AP2B1: variants seen among roughly 807,000 people sequenced by gnomAD.
The protein encoded by AP2B1 is AP-2 complex subunit beta.
A neutral mutation model predicts 102.0 loss-of-function variants in AP2B1; 23 were observed. The ratio of observed to expected loss-of-function variants is 0.23; its 90% CI spans 0.16 to 0.32. AP2B1 has a LOEUF of 0.32. Among genes scored for constraint, AP2B1 ranks in the 10% least tolerant of loss-of-function variants. AP2B1 has a pLI of 1.00. For missense variants in AP2B1, 541 were observed against 1,157.4 expected (o/e 0.47, Z 7.73); for synonymous variants, 381 against 421.2 (o/e 0.90, Z 1.17).
chr17:35,627,071 T>G (rs2074333989), intron 7 of AP2B1, among the ~76,000 whole-genome samples: 1 of 152,026 alleles, frequency 6.6e-6, no homozygotes, highest in Admixed American at 6.6e-5. Flanking sequence ...TTCTGAAGGG[T>G]CTCTTTCTGA....
chr17:35,700,642 T>C (rs1342511281), intron 18 of AP2B1, among the ~76,000 whole-genome samples: 2 of 152,136 alleles, frequency 1.3e-5, no homozygotes, highest in African/African-American at 4.8e-5. Context: ...TATACCTTTT[T>C]ATAGTACTTT....
intron 18 of AP2B1, among the ~76,000 whole-genome samples, chr17:35,686,052 C>G (rs1008412090): frequency 1.3e-5 from 2 of 152,310 alleles, no homozygotes. Flanking sequence ...CGTGAGCTGC[C>G]ATGCCCTGCC....
chr17:35,629,626 G>C (rs1405199650), intron 9 of AP2B1, among the ~76,000 whole-genome samples: 1 of 152,100 alleles, frequency 6.6e-6, no homozygotes, highest in African/African-American at 2.4e-5. Flanking sequence ...TTTTAATTGA[G>C]ATGTATACCA....
chr17:35,706,905 G>A (rs976806424), intron 18 of AP2B1, among the ~76,000 whole-genome samples: 6 of 152,028 alleles, frequency 3.9e-5, no homozygotes, highest in African/African-American at 1.4e-4. Context: ...GCCTGCCTCA[G>A]CTTCCCAAAG....
intron 12 of AP2B1, among the ~76,000 whole-genome samples, chr17:35,642,596 A>T (rs2074813874): frequency 6.6e-6 from 1 of 152,216 alleles, no homozygotes; most frequent in Non-Finnish European, 1.5e-5. Context: ...AATGATCATC[A>T]GTCCATTGAT....
chr17:35,691,036 T>G lies in AP2B1; in HGVS notation c.2454+8212T>G, dbSNP rs1053538915. Among the ~76,000 whole-genome samples the G allele has an allele frequency of 5.3e-5, 8 of 152,176 alleles. 1 individual carries two copies. The highest frequency in any genetic ancestry group is 4.6e-4 in the Admixed American group (7 of 15,274). ...GCCTTTAAATCTCACATAAACATTG[T>G]CGAATAAGAGGCTGAATATTAATTA... is the stretch of plus-strand genomic sequence containing the variant. On this transcript the variant is annotated intron_variant, in intron 18 of 21. Transcript: ENST00000610402.
intron 18 of AP2B1, among the ~76,000 whole-genome samples, chr17:35,706,806 A>AAC (rs1054849094): frequency 6.7e-6 from 1 of 149,686 alleles, no homozygotes; most frequent in Non-Finnish European, 1.5e-5. Flanking sequence ...ACACCCAACT[A>AAC]ATATATATAT....
intron 2 of AP2B1, among the ~76,000 whole-genome samples, chr17:35,594,305 C>T (rs1435784538): frequency 6.6e-6 from 1 of 152,172 alleles, no homozygotes; most frequent in Non-Finnish European, 1.5e-5. Context: ...GTGAAAGAGA[C>T]TCCTCTTTGC....
intron 14 of AP2B1, among the ~76,000 whole-genome samples, chr17:35,669,208 A>ATC (rs2075535262): frequency 1.4e-5 from 2 of 146,614 alleles, no homozygotes; most frequent in African/African-American, 2.6e-5. Flanking sequence ...CAATGGCATG[A>ATC]TCTCAGCTCA....
chr17:35,661,374 C>A (rs2075354998), intron 14 of AP2B1, among the ~76,000 whole-genome samples: 1 of 152,102 alleles, frequency 6.6e-6, no homozygotes, highest in Non-Finnish European at 1.5e-5. Flanking sequence ...GAACATTAAA[C>A]CAAATGAAAT....
At chr17:35,642,471 AAAG>A (rs1191854727) in intron 12 of AP2B1, among the ~76,000 whole-genome samples, 5 of 152,184 alleles carry the variant, frequency 3.3e-5, no homozygotes, top group Admixed American at 6.5e-5. Flanking sequence ...GGTCAGAAGA[AAAG>A]AAGTTTAGAT....
chr17:35,688,738 C>T (rs1384352102), intron 18 of AP2B1, among the ~76,000 whole-genome samples: 8 of 152,090 alleles, frequency 5.3e-5, no homozygotes, highest in South Asian at 2.1e-4. Context: ...CCAAGGAGGG[C>T]GGATCACTTA....
At chr17:35,629,303 C>T (rs2074400709) in intron 9 of AP2B1, among the ~76,000 whole-genome samples, 1 of 152,100 alleles carries the variant, frequency 6.6e-6, no homozygotes, top group Non-Finnish European at 1.5e-5. Flanking sequence ...TATCATGCCC[C>T]TATATTATTC....
intron 18 of AP2B1, among the ~76,000 whole-genome samples, chr17:35,689,372 G>T (rs930466085): frequency 2.0e-5 from 3 of 152,026 alleles, no homozygotes; most frequent in Non-Finnish European, 4.4e-5. Flanking sequence ...TAGAGACGGG[G>T]TTTCACCATG....
At chr17:35,638,856 T>C (rs1391452841) in intron 10 of AP2B1, among the ~76,000 whole-genome samples, 1 of 151,790 alleles carries the variant, frequency 6.6e-6, no homozygotes, top group Non-Finnish European at 1.5e-5. Flanking sequence ...AAGGGACAGA[T>C]TTACCATTTC....
chr17:35,627,264 TTTTTTG>T, intron 7 of AP2B1, 115 bp from the exon 8 acceptor site: 2 of 482,646 alleles, frequency 4.1e-6, no homozygotes, highest in Non-Finnish European at 6.2e-6. Flanking sequence ...TTTTTTTTTT[TTTTTTG>T]CCTGAGTGGA....
chr17:35,595,649 G>A (rs2073244891), intron 2 of AP2B1, among the ~76,000 whole-genome samples: 1 of 152,114 alleles, frequency 6.6e-6, no homozygotes, highest in Non-Finnish European at 1.5e-5. Context: ...ATTTGATTGG[G>A]GGGAGGAGGA....
In AP2B1 at chr17:35,620,174, C is replaced by A. The variant is rs903162883; in HGVS notation, c.526-4223C>A. Among the ~76,000 whole-genome samples the A allele has an allele frequency of 7.9e-5, 12 of 152,108 alleles. No individual in the cohort carries two copies. The South Asian group carries it at 2.3e-3, about 29-fold the overall frequency. Reference sequence around the variant, plus strand: ...AATCAACTTGTGCTGAGGAAGCTCTCTTAAGAAACCCTATTTGTAGGCCAG... The same window carrying A: ...AATCAACTTGTGCTGAGGAAGCTCTATTAAGAAACCCTATTTGTAGGCCAG... On this transcript the variant is annotated intron_variant, in intron 5 of 21. Transcript: ENST00000610402.
In AP2B1 at chr17:35,649,508, G is replaced by C. The variant is rs1409605006; in HGVS notation, c.1537-1022G>C. Among the ~76,000 whole-genome samples, 4 of 152,168 alleles carry C rather than the reference G, an allele frequency of 2.6e-5. No individual in the cohort carries two copies. In the East Asian group the frequency reaches 7.7e-4, roughly 29 times the overall value. The stretch of plus-strand genomic sequence containing the variant: ...TGGTCCCAATCTCCTGGCCTCAGGT[G>C]ATCCTCCCGCCTCGGCTTCCCAAAG... On this transcript the variant is annotated intron_variant, in intron 12 of 21. Transcript: ENST00000610402.
Sources: gnomAD v4.1 joint callset for allele counts (sites outside exome capture counted in the v4.1 genomes callset) on GRCh38, gnomAD v4.1.1 for gene constraint, MANE v1.5 for transcripts, NCBI Gene and HGNC (gene_info 2026-07-23, HGNC 2026-07-21) for gene names.